The following GUCY1A2 variants were observed in gnomAD, a reference collection of about 807,000 sequenced individuals.
GUCY1A2 encodes the protein guanylate cyclase soluble subunit alpha-2.
Under a neutral mutation model 63.5 loss-of-function variants are expected in GUCY1A2, and 27 were observed. The ratio of observed to expected loss-of-function variants is 0.43; its 90% confidence interval spans 0.31 to 0.59. The LOEUF (loss-of-function observed/expected upper bound fraction) is 0.59. GUCY1A2 is among the 20% of genes least tolerant of loss of function. GUCY1A2 has a pLI of 0.11. For missense variants in GUCY1A2, 768 were observed against 913.3 expected (o/e 0.84, Z 2.05); for synonymous variants, 364 against 343.5 (o/e 1.06, Z -0.66).
At chr11:106,709,156 G>GTATATAATATATATAAC (rs1862977637) in intron 6 of GUCY1A2, among the ~76,000 whole-genome samples, 1 of 107,722 alleles carries the variant, frequency 9.3e-6, no homozygotes, top group Non-Finnish European at 1.9e-5. Flanking sequence ...TTATATACAT[G>GTATATAATATATATAAC]TATATAATAT....
At chr11:106,760,075 GTGTCTTCAAATAAAACA>G (rs967228421) in intron 6 of GUCY1A2, among the ~76,000 whole-genome samples, 6 of 152,242 alleles carry the variant, frequency 3.9e-5, no homozygotes, top group East Asian at 3.9e-4. Context: ...TCCTTCCCTA[GTGTCTTCAAATAAAACA>G]TGTCTTCAAA....
intron 7 of GUCY1A2, among the ~76,000 whole-genome samples, chr11:106,704,763 A>G (rs534790464): frequency 6.6e-6 from 1 of 152,106 alleles, no homozygotes; most frequent in Non-Finnish European, 1.5e-5. Context: ...TGCTAAAGCC[A>G]TCCTTCATAT....
intron 3 of GUCY1A2, among the ~76,000 whole-genome samples, chr11:106,954,743 C>T (rs560358853): frequency 1.3e-5 from 2 of 152,164 alleles, no homozygotes; most frequent in Admixed American, 6.5e-5. Context: ...GAATTCTTCC[C>T]CTTACCATTG....
At chr11:106,971,219 A>ATGTGTGTGTGTGTGTGTGTGTGTG (rs67190015) in intron 3 of GUCY1A2, among the ~76,000 whole-genome samples, 2 of 149,162 alleles carry the variant, frequency 1.3e-5, no homozygotes, top group African/African-American at 4.9e-5. Context: ...ACAAATTTAA[A>ATGTGTGTGTGTGTGTGTGTGTGTG]TGTGTGTGTG....
At chr11:106,979,186 T>C (rs1227521794) in intron 2 of GUCY1A2, among the ~76,000 whole-genome samples, 1 of 152,154 alleles carries the variant, frequency 6.6e-6, no homozygotes, top group African/African-American at 2.4e-5. Flanking sequence ...CCGGGTGCGG[T>C]GGCTCACGCC....
rs1244660019 is a variant in GUCY1A2 at position 106,682,918 on chromosome 11, G to A, written c.*4631C>T. 4.6e-6 allele frequency: 1 copy of A among 216,142 alleles called. No homozygotes were observed. Among genetic ancestry groups the A allele is most frequent in the African/African-American group, 2.2e-5 (1 of 44,488 alleles). The allele number at this position is 216,142 out of a possible 1,614,324, so 13.4% of individuals were successfully genotyped here. A position where few individuals can be genotyped will look rare whatever the true frequency, so the allele number is the denominator to read the frequency against. On this transcript the variant is annotated 3_prime_UTR_variant, in exon 8 of 8. Transcript: ENST00000526355. ...GGAAGGAATTTTGCACACTATCTCA[G>A]TATAGCCTGACAAGATTGTTAATCT...
intron 3 of GUCY1A2, among the ~76,000 whole-genome samples, chr11:106,950,001 T>C (rs565219922): frequency 2.8e-4 from 42 of 152,352 alleles, no homozygotes; most frequent in African/African-American, 8.7e-4. Flanking sequence ...ATACATGATT[T>C]TTCCATTGCT....
At chr11:106,821,500 A>T (rs1858902728) in intron 4 of GUCY1A2, among the ~76,000 whole-genome samples, 1 of 152,176 alleles carries the variant, frequency 6.6e-6, no homozygotes, top group South Asian at 2.1e-4. Context: ...TCATTCACAC[A>T]TCCCATGGGA....
intron 5 of GUCY1A2, among the ~76,000 whole-genome samples, chr11:106,791,583 C>T (rs559038260): frequency 6.6e-6 from 1 of 152,262 alleles, no homozygotes; most frequent in South Asian, 2.1e-4. Context: ...ATCCACCCCT[C>T]AATAATTCAT....
intron 6 of GUCY1A2, among the ~76,000 whole-genome samples, chr11:106,751,049 CA>C (rs1273330799): frequency 1.3e-5 from 2 of 152,092 alleles, no homozygotes; most frequent in East Asian, 3.8e-4. Context: ...TATTAATTCA[CA>C]CATCTCCTCT....
chr11:106,952,028 G>C (rs1860916322), intron 3 of GUCY1A2, among the ~76,000 whole-genome samples: 1 of 152,130 alleles, frequency 6.6e-6, no homozygotes, highest in Non-Finnish European at 1.5e-5. Context: ...TGTCAGGTTT[G>C]TCAAAGATCA....
chr11:106,840,621 A>G (rs568613015), intron 4 of GUCY1A2, among the ~76,000 whole-genome samples: 1 of 152,002 alleles, frequency 6.6e-6, no homozygotes, highest in Admixed American at 6.6e-5. Context: ...ACATACACAT[A>G]AAGAGGTGTA....
intron 4 of GUCY1A2, among the ~76,000 whole-genome samples, chr11:106,885,966 A>G (rs749145943): frequency 2.6e-5 from 4 of 152,116 alleles, no homozygotes; most frequent in Admixed American, 2.6e-4. Flanking sequence ...GAGAGAGACA[A>G]AGAAAGAGAA....
At chr11:106,926,729 C>T (rs1860528470) in intron 4 of GUCY1A2, among the ~76,000 whole-genome samples, 1 of 151,652 alleles carries the variant, frequency 6.6e-6, no homozygotes, top group South Asian at 2.1e-4. Flanking sequence ...GGCAGTGCCC[C>T]GGAGGTCACA....
At chr11:106,810,614 T>A in intron 4 of GUCY1A2, 136 bp from the exon 5 acceptor site, 1 of 619,804 alleles carries the variant, frequency 1.6e-6, no homozygotes, top group Admixed American at 3.3e-5. Flanking sequence ...TAAGCAAATT[T>A]AAATCTGATT....
intron 4 of GUCY1A2, among the ~76,000 whole-genome samples, chr11:106,915,940 G>A (rs778086257): frequency 1.4e-5 from 2 of 143,006 alleles, no homozygotes; most frequent in African/African-American, 5.0e-5. Context: ...ATTTTTATCT[G>A]TCATGGTTAC....
chr11:106,991,695 A>G (rs1167907313), intron 1 of GUCY1A2, among the ~76,000 whole-genome samples: 1 of 152,240 alleles, frequency 6.6e-6, no homozygotes, highest in Non-Finnish European at 1.5e-5. Flanking sequence ...AGTCCCTTTC[A>G]TTAACTGTCA....
intron 4 of GUCY1A2, among the ~76,000 whole-genome samples, chr11:106,918,918 T>C (rs1015945077): frequency 1.3e-5 from 2 of 152,208 alleles, no homozygotes; most frequent in African/African-American, 4.8e-5. Flanking sequence ...TCTTTAAAAA[T>C]CTGATATTTA....
rs1052686721 is a variant in GUCY1A2, at chr11:106,678,523, C to A, written c.*9026G>T. 16 of 213,122 alleles carry A rather than the reference C, an allele frequency of 7.5e-5. No homozygotes were observed. Among genetic ancestry groups the A allele is most frequent in the Admixed American group, 2.9e-4 (5 of 17,018 alleles). 13.2% of individuals were successfully genotyped at this position (213,122 alleles called of 1,614,324 possible). On this transcript the variant is annotated 3_prime_UTR_variant, in exon 8 of 8. Coordinates refer to ENST00000526355, the MANE Select transcript of GUCY1A2 (RefSeq NM_000855.3). ...GCTAGCTTTTAAAGAGTGATATTGACCATGAAGAAATAGTTCTTGGGAGGC... is the reference window on the plus strand; with the variant it reads ...GCTAGCTTTTAAAGAGTGATATTGAACATGAAGAAATAGTTCTTGGGAGGC...
Sources: gnomAD v4.1 joint callset for allele counts (sites outside exome capture counted in the v4.1 genomes callset) on GRCh38, gnomAD v4.1.1 for gene constraint, MANE v1.5 for transcripts, NCBI Gene and HGNC (gene_info 2026-07-23, HGNC 2026-07-21) for gene names.